The following ANTXR2 variants were observed in gnomAD, a reference collection of about 807,000 sequenced individuals.
ANTXR2 encodes anthrax toxin receptor 2.
ANTXR2 carries 44 observed loss-of-function variants against 73.7 expected under a neutral mutation model. The observed-to-expected ratio is 0.60, with a 90% confidence interval of 0.47 to 0.77. The LOEUF (loss-of-function observed/expected upper bound fraction) is 0.77. Ranked by LOEUF, ANTXR2 falls within the 30% of genes least tolerant of loss-of-function variation. The pLI, the probability that ANTXR2 is intolerant of heterozygous loss-of-function variation, is 0.00. For synonymous variants in ANTXR2, 217 were observed against 205.9 expected (o/e 1.05, Z -0.46); for missense variants, 604 against 592.5 (o/e 1.02, Z -0.20).
intron 16 of ANTXR2, among the ~76,000 whole-genome samples, chr4:79,960,706 T>C (rs1729108672): frequency 6.6e-6 from 1 of 151,968 alleles, no homozygotes; most frequent in Non-Finnish European, 1.5e-5. Context: ...TAACTCAAAA[T>C]TATATCAGTT....
At chr4:79,956,622 C>T (rs1409074719) in intron 16 of ANTXR2, among the ~76,000 whole-genome samples, 5 of 152,102 alleles carry the variant, frequency 3.3e-5, no homozygotes, top group Non-Finnish European at 7.4e-5. Flanking sequence ...ATAGTAGGTG[C>T]TCAGTGACTG....
chr4:79,911,316 C>A (rs867362716), intron 16 of ANTXR2, among the ~76,000 whole-genome samples: 12 of 152,192 alleles, frequency 7.9e-5, no homozygotes, highest in South Asian at 2.1e-4. Flanking sequence ...AAGAACTGTA[C>A]AGAATGGAAA....
At chr4:80,003,291 C>T (rs1022520883) in intron 12 of ANTXR2, among the ~76,000 whole-genome samples, 72 of 150,990 alleles carry the variant, frequency 4.8e-4, no homozygotes, top group Non-Finnish European at 8.9e-4. Context: ...AATCAGCATT[C>T]TCAGTAAACT....
At chr4:80,015,573 T>C (rs1277623072) in intron 11 of ANTXR2, among the ~76,000 whole-genome samples, 2 of 152,092 alleles carry the variant, frequency 1.3e-5, no homozygotes, top group Non-Finnish European at 2.9e-5. Flanking sequence ...TCCAAAGCTC[T>C]TTAAAACCAT....
At chr4:80,004,820 T>C (rs529300731) in intron 12 of ANTXR2, among the ~76,000 whole-genome samples, 1 of 152,246 alleles carries the variant, frequency 6.6e-6, no homozygotes, top group East Asian at 1.9e-4. Flanking sequence ...GGAGGCTTTT[T>C]CAAACTGCAT....
chr4:79,927,336 T>C (rs992608831), intron 16 of ANTXR2, among the ~76,000 whole-genome samples: 28 of 144,770 alleles, frequency 1.9e-4, no homozygotes, highest in Non-Finnish European at 3.4e-4. Flanking sequence ...ACAGTAACTA[T>C]GGAAGGTGAT....
chr4:79,933,703 C>A, intron 16 of ANTXR2, among the ~76,000 whole-genome samples: 1 of 95,486 alleles, frequency 1.0e-5, no homozygotes. Flanking sequence ...CCTCCACCCT[C>A]CCCCCACCCC....
chr4:80,066,176 T>C (rs989437378), intron 3 of ANTXR2, among the ~76,000 whole-genome samples: 2 of 152,196 alleles, frequency 1.3e-5, no homozygotes, highest in Non-Finnish European at 2.9e-5. Context: ...AATAATGTCC[T>C]TTATTGGAGG....
At chr4:79,988,008 A>G (rs1730269814) in intron 12 of ANTXR2, among the ~76,000 whole-genome samples, 1 of 151,892 alleles carries the variant, frequency 6.6e-6, no homozygotes, top group Non-Finnish European at 1.5e-5. Context: ...CCACAAAAAC[A>G]CACTTAAGTA....
intron 10 of ANTXR2, among the ~76,000 whole-genome samples, chr4:80,023,200 C>T (rs1210511154): frequency 1.3e-5 from 2 of 152,076 alleles, no homozygotes; most frequent in African/African-American, 4.8e-5. Context: ...TCAAAAAATG[C>T]CTACTATATA....
intron 13 of ANTXR2, 93 bp downstream of exon 13, chr4:79,984,726 G>T: frequency 2.8e-6 from 3 of 1,088,876 alleles, no homozygotes; most frequent in South Asian, 1.4e-5. Flanking sequence ...AGGTATCATA[G>T]TTATCTAACA....
chr4:79,924,209 A>G (rs1214644485), intron 16 of ANTXR2, among the ~76,000 whole-genome samples: 1 of 152,136 alleles, frequency 6.6e-6, no homozygotes, highest in Non-Finnish European at 1.5e-5. Flanking sequence ...GCCCAAATAC[A>G]TATTTTTAAA....
At chr4:80,069,286 CA>C in intron 3 of ANTXR2, 149 bp downstream of exon 3, 1 of 687,712 alleles carries the variant, frequency 1.5e-6, no homozygotes. Flanking sequence ...TTATATTACT[CA>C]TACCTCCTTT....
intron 10 of ANTXR2, among the ~76,000 whole-genome samples, chr4:80,023,010 C>G (rs1732240773): frequency 6.6e-6 from 1 of 152,104 alleles, no homozygotes; most frequent in Non-Finnish European, 1.5e-5. Context: ...ACCGTTAACA[C>G]CTGAATATTT....
chr4:79,915,862 C>CTCTATA (rs377006532), intron 16 of ANTXR2, among the ~76,000 whole-genome samples: 2,012 of 123,760 alleles, frequency 0.016, 30 homozygotes, highest in Non-Finnish European at 0.022. Flanking sequence ...CTCTCTCTCT[C>CTCTATA]TATATATATA....
At chr4:79,986,134 G>A (rs4610280) in intron 12 of ANTXR2, among the ~76,000 whole-genome samples, 73,042 of 151,954 alleles carry the variant, frequency 0.48, 20,095 homozygotes, top group East Asian at 0.92. Context: ...TGAATAGAAT[G>A]GGGCTTAATT....
At chr4:80,045,052 G>A (rs946870527) in intron 7 of ANTXR2, among the ~76,000 whole-genome samples, 1 of 151,576 alleles carries the variant, frequency 6.6e-6, no homozygotes, top group African/African-American at 2.4e-5. Flanking sequence ...GTTACACACA[G>A]TGAAAAAAAT....
intron 7 of ANTXR2, among the ~76,000 whole-genome samples, chr4:80,051,310 C>A (rs1204805167): frequency 1.3e-5 from 2 of 151,712 alleles, no homozygotes; most frequent in African/African-American, 2.4e-5. Flanking sequence ...CTACCATACT[C>A]CAAACCTCAA....
At chr4:79,963,934 A>G (rs367796647) in intron 16 of ANTXR2, among the ~76,000 whole-genome samples, 4 of 152,332 alleles carry the variant, frequency 2.6e-5, no homozygotes, top group African/African-American at 9.6e-5. Flanking sequence ...TTTTATATGT[A>G]ACTATAGGAA....
Sources: gnomAD v4.1 joint callset for allele counts (sites outside exome capture counted in the v4.1 genomes callset) on GRCh38, gnomAD v4.1.1 for gene constraint, MANE v1.5 for transcripts, NCBI Gene and HGNC (gene_info 2026-07-23, HGNC 2026-07-21) for gene names.